SLC26A7: variants seen among roughly 807,000 people sequenced by gnomAD.
SLC26A7 encodes the protein solute carrier family 26 member 7, also known as anion exchange transporter.
A neutral mutation model predicts 82.5 loss-of-function variants in SLC26A7; 59 were observed. That is an observed-to-expected ratio of 0.72 (90% CI 0.58 to 0.89). The LOEUF (loss-of-function observed/expected upper bound fraction) is 0.89. Ranked by LOEUF, SLC26A7 falls within the 40% of genes least tolerant of loss-of-function variation. SLC26A7 has a pLI of 0.00. For missense variants in SLC26A7, 820 were observed against 793.0 expected, an observed-to-expected ratio of 1.03 and a Z score of -0.41; for synonymous variants, 271 against 274.3, an observed-to-expected ratio of 0.99 and a Z score of 0.12.
At position 91,320,273 on chromosome 8, in the gene SLC26A7, G is replaced by A. The variant is rs559228502; in HGVS notation, c.642+1893G>A. ...AGACGGGGTTTCACCATATTGGCCA[G>A]GTGGAGGTCTTTCTTAAAAACTTTA... is the stretch of plus-strand genomic sequence containing the variant. On this transcript the variant is annotated intron_variant, in intron 5 of 18. Coordinates refer to ENST00000276609, the MANE Select transcript of SLC26A7 (RefSeq NM_052832.4). Among the ~76,000 whole-genome samples, 5 of 152,260 alleles carry A rather than the reference G, an allele frequency of 3.3e-5. No homozygotes were observed. In the East Asian group the frequency reaches 5.8e-4, roughly 18 times the overall value.
chr8:91,369,737 AG>A, intron 14 of SLC26A7, 47 bp from the exon 15 acceptor site: 1 of 1,357,142 alleles, frequency 7.4e-7, no homozygotes, highest in Non-Finnish European at 1.0e-6. Context: ...TTCAGACAGA[AG>A]TAAAATTTTA....
At chr8:91,231,777 G>GTGTGTAT (rs1255335579) in intron 2 of SLC26A7, among the ~76,000 whole-genome samples, 2 of 152,052 alleles carry the variant, frequency 1.3e-5, no homozygotes, top group African/African-American at 4.8e-5. Flanking sequence ...CTGTGTGTAT[G>GTGTGTAT]TGTGTATGTG....
At chr8:91,216,192 A>G (rs892578522) in intron 1 of SLC26A7, among the ~76,000 whole-genome samples, 3 of 152,186 alleles carry the variant, frequency 2.0e-5, no homozygotes, top group African/African-American at 7.2e-5. Context: ...TAAAAATCTC[A>G]CCAAAATATT....
chr8:91,283,734 C>G (rs1811635289), intron 2 of SLC26A7, among the ~76,000 whole-genome samples: 1 of 152,156 alleles, frequency 6.6e-6, no homozygotes, highest in East Asian at 1.9e-4. Context: ...TCTGCCATCT[C>G]CACTCCCAAC....
intron 2 of SLC26A7, among the ~76,000 whole-genome samples, chr8:91,256,295 T>G (rs927255896): frequency 6.6e-6 from 1 of 152,112 alleles, no homozygotes; most frequent in African/African-American, 2.4e-5. Context: ...CTAGCCATAG[T>G]TATTGGACCA....
intron 2 of SLC26A7, among the ~76,000 whole-genome samples, chr8:91,233,131 A>T (rs1396432896): frequency 6.6e-6 from 1 of 152,214 alleles, no homozygotes; most frequent in African/African-American, 2.4e-5. Context: ...AGAAACCATC[A>T]AACAGAGGAT....
intron 5 of SLC26A7, among the ~76,000 whole-genome samples, chr8:91,324,162 T>C (rs1812872408): frequency 6.6e-6 from 1 of 152,186 alleles, no homozygotes; most frequent in Admixed American, 6.6e-5. Flanking sequence ...TGTTCACTAC[T>C]GTAGAGGGAG....
intron 2 of SLC26A7, among the ~76,000 whole-genome samples, chr8:91,223,604 C>T (rs955252565): frequency 1.3e-5 from 2 of 152,146 alleles, no homozygotes; most frequent in African/African-American, 4.8e-5. Flanking sequence ...TCTATGGCTG[C>T]CCTTAACAGT....
intron 2 of SLC26A7, among the ~76,000 whole-genome samples, chr8:91,236,162 C>T (rs773883668): frequency 3.9e-5 from 6 of 151,914 alleles, no homozygotes; most frequent in Non-Finnish European, 8.8e-5. Flanking sequence ...AATTTCTTTT[C>T]CAAAAGAAAA....
chr8:91,265,521 C>T (rs570836990), intron 2 of SLC26A7, among the ~76,000 whole-genome samples: 2 of 152,092 alleles, frequency 1.3e-5, no homozygotes, highest in Admixed American at 6.6e-5. Context: ...ATAAGAATTT[C>T]CCTCTTTCTG....
At chr8:91,294,399 C>G (rs1232121439) in intron 3 of SLC26A7, among the ~76,000 whole-genome samples, 1 of 152,056 alleles carries the variant, frequency 6.6e-6, no homozygotes, top group African/African-American at 2.4e-5. Context: ...GAATCCATAG[C>G]ATGTACTGCC....
intron 9 of SLC26A7, chr8:91,348,293 C>T (rs1323464708): frequency 1.0e-6 from 1 of 984,260 alleles, no homozygotes; most frequent in African/African-American, 1.7e-5. Flanking sequence ...CACTACTTTC[C>T]ACAAGACTGC....
intron 9 of SLC26A7, among the ~76,000 whole-genome samples, chr8:91,347,611 A>G (rs1813596017): frequency 6.6e-6 from 1 of 152,148 alleles, no homozygotes; most frequent in Non-Finnish European, 1.5e-5. Flanking sequence ...CTGTTTTGAC[A>G]GTGAATTTGG....
At chr8:91,256,203 C>T (rs1810797496) in intron 2 of SLC26A7, among the ~76,000 whole-genome samples, 2 of 152,050 alleles carry the variant, frequency 1.3e-5, no homozygotes, top group South Asian at 4.1e-4. Flanking sequence ...GGAAATTGTG[C>T]CCCGGCATTG....
chr8:91,342,187 C>A (rs1427637555), intron 8 of SLC26A7, among the ~76,000 whole-genome samples: 2 of 152,112 alleles, frequency 1.3e-5, no homozygotes, highest in African/African-American at 4.8e-5. Flanking sequence ...GCCTCTGCCT[C>A]CCAAAGTGCT....
chr8:91,394,039 G>A lies in SLC26A7; in HGVS notation c.1935G>A (p.Lys645=). The change falls in exon 18 of 19, where the codon AAG becomes AAA. Residue 645 remains lysine (K), a splice_region_variant and synonymous_variant. Coordinates refer to ENST00000276609, the MANE Select transcript of SLC26A7 (RefSeq NM_052832.4). Reference sequence around the variant, plus strand: ...CAATAAGTCATATCCATTCAAATAAGGTGAGTTGATTAAGTTGGGCTGAAG... The same window carrying A: ...CAATAAGTCATATCCATTCAAATAAAGTGAGTTGATTAAGTTGGGCTGAAG... ...SAAISHIHSN[K]NLSKLSDHSE... 6.2e-7 allele frequency: 1 copy of A among 1,611,770 alleles called. No homozygotes were observed. The highest frequency in any genetic ancestry group is 8.5e-7 in the Non-Finnish European group (1 of 1,178,374).
intron 4 of SLC26A7, among the ~76,000 whole-genome samples, chr8:91,307,001 C>T: frequency 7.1e-6 from 1 of 141,340 alleles, no homozygotes; most frequent in Non-Finnish European, 1.5e-5. Context: ...CATGAACAGA[C>T]ACTTCTCAAA....
intron 1 of SLC26A7, among the ~76,000 whole-genome samples, chr8:91,216,880 T>A (rs1214113150): frequency 6.6e-6 from 1 of 152,184 alleles, no homozygotes; most frequent in Non-Finnish European, 1.5e-5. Context: ...TACTGTATTG[T>A]TTCCCCAATA....
intron 2 of SLC26A7, among the ~76,000 whole-genome samples, chr8:91,235,003 T>A (rs1427351349): frequency 6.6e-6 from 1 of 152,060 alleles, no homozygotes; most frequent in Non-Finnish European, 1.5e-5. Flanking sequence ...CACTGCAACC[T>A]CTACCTCCTG....
Sources: gnomAD v4.1 joint callset for allele counts (sites outside exome capture counted in the v4.1 genomes callset) on GRCh38, gnomAD v4.1.1 for gene constraint, MANE v1.5 for transcripts, NCBI Gene and HGNC (gene_info 2026-07-23, HGNC 2026-07-21) for gene names.